The following HMGA2 variants were observed in gnomAD, a reference collection of about 807,000 sequenced individuals.
The protein encoded by HMGA2 is high mobility group AT-hook 2.
In HMGA2, 8 loss-of-function variants were observed where a neutral mutation model predicts 19.1. The ratio of observed to expected loss-of-function variants is 0.42; its 90% confidence interval spans 0.25 to 0.76. The LOEUF is 0.76. HMGA2 is among the 30% of genes least tolerant of loss of function. The pLI, the probability that HMGA2 is intolerant of heterozygous loss-of-function variation, is 0.28. For missense variants in HMGA2, 109 were observed against 136.3 expected (o/e 0.80, Z 1.00); for synonymous variants, 60 against 48.8 (o/e 1.23, Z -0.96).
At chr12:65,949,996 A>G (rs1258512351) in intron 3 of HMGA2, among the ~76,000 whole-genome samples, 3 of 152,198 alleles carry the variant, frequency 2.0e-5, no homozygotes, top group African/African-American at 4.8e-5. Context: ...TGAAACAGCA[A>G]TGATGTTTAA....
At chr12:65,871,948 C>T (rs1246755853) in intron 3 of HMGA2, among the ~76,000 whole-genome samples, 1 of 152,232 alleles carries the variant, frequency 6.6e-6, no homozygotes, top group East Asian at 1.9e-4. Flanking sequence ...TTGTGCTCCA[C>T]TGCATCATCA....
At chr12:65,874,232 T>C (rs1018748742) in intron 3 of HMGA2, 2 of 150,718 alleles carry the variant, frequency 1.3e-5, no homozygotes, top group South Asian at 4.2e-4. Context: ...AAACTTAAAA[T>C]GTAAATTAAT....
At chr12:65,947,722 C>T (rs747917506) in intron 3 of HMGA2, among the ~76,000 whole-genome samples, 7 of 152,198 alleles carry the variant, frequency 4.6e-5, no homozygotes, top group Non-Finnish European at 7.3e-5. Context: ...ACTTGAAAGG[C>T]TTTGCTATCT....
At chr12:65,893,130 C>T (rs1469983757) in intron 3 of HMGA2, among the ~76,000 whole-genome samples, 1 of 152,188 alleles carries the variant, frequency 6.6e-6, no homozygotes, top group Non-Finnish European at 1.5e-5. Context: ...CCCCCATTTC[C>T]TGTGGAAGGG....
chr12:65,866,474 CAG>C (rs1383911755), intron 3 of HMGA2, among the ~76,000 whole-genome samples: 1 of 152,088 alleles, frequency 6.6e-6, no homozygotes, highest in Non-Finnish European at 1.5e-5. Flanking sequence ...ACATTAACAG[CAG>C]ATAGGACAAG....
chr12:65,834,810 A>G (rs556215124), intron 2 of HMGA2, among the ~76,000 whole-genome samples: 1 of 152,344 alleles, frequency 6.6e-6, no homozygotes, highest in African/African-American at 2.4e-5. Context: ...CTTCTTAGAG[A>G]AAGAAATAAT....
At chr12:65,877,979 GTCA>G (rs1873139969) in intron 3 of HMGA2, among the ~76,000 whole-genome samples, 1 of 152,132 alleles carries the variant, frequency 6.6e-6, no homozygotes, top group Non-Finnish European at 1.5e-5. Context: ...AATATTCTCT[GTCA>G]TCATGCTACT....
intron 3 of HMGA2, chr12:65,915,664 A>G (rs1226091047): frequency 6.0e-6 from 3 of 499,282 alleles, no homozygotes; most frequent in Non-Finnish European, 8.0e-6. Context: ...ATGGGCTGCC[A>G]TGACTTCTGC....
chr12:65,880,558 A>G (rs1192994696), intron 3 of HMGA2, among the ~76,000 whole-genome samples: 1 of 152,248 alleles, frequency 6.6e-6, no homozygotes, highest in Non-Finnish European at 1.5e-5. Context: ...CTTAGGGAAG[A>G]TAAATGACTT....
intron 3 of HMGA2, among the ~76,000 whole-genome samples, chr12:65,912,737 G>A (rs559666581): frequency 6.6e-5 from 10 of 152,086 alleles, no homozygotes; most frequent in Non-Finnish European, 1.5e-4. Flanking sequence ...TGGATTTAAC[G>A]TCATGCCATA....
At chr12:65,907,990 A>T (rs1874677251) in intron 3 of HMGA2, among the ~76,000 whole-genome samples, 1 of 152,128 alleles carries the variant, frequency 6.6e-6, no homozygotes, top group South Asian at 2.1e-4. Context: ...AATTACTCAA[A>T]TCTTTGTCCT....
At chr12:65,840,472 T>A (rs1870949182) in intron 3 of HMGA2, among the ~76,000 whole-genome samples, 1 of 152,180 alleles carries the variant, frequency 6.6e-6, no homozygotes, top group African/African-American at 2.4e-5. Flanking sequence ...GTGCACTGGA[T>A]CACCCATACA....
At chr12:65,963,181 TGGC>T in intron 4 of HMGA2, 61 bp from the exon 5 acceptor site, 1 of 1,495,738 alleles carries the variant, frequency 6.7e-7, no homozygotes, top group Admixed American at 1.7e-5. Flanking sequence ...TCTGCACTGT[TGGC>T]AAGAGCAGCC....
intron 3 of HMGA2, among the ~76,000 whole-genome samples, chr12:65,863,116 G>A (rs577772518): frequency 6.6e-6 from 1 of 152,344 alleles, no homozygotes; most frequent in East Asian, 1.9e-4. Flanking sequence ...GACACTATCA[G>A]CACTTAAGTA....
intron 3 of HMGA2, among the ~76,000 whole-genome samples, chr12:65,907,163 GAGGCAGGCGGATCACGAGGTC>G (rs1435338084): frequency 6.6e-6 from 1 of 152,052 alleles, no homozygotes; most frequent in Non-Finnish European, 1.5e-5. Flanking sequence ...TTGGGAGGCC[GAGGCAGGCGGATCACGAGGTC>G]AGGAGTTCGA....
intron 3 of HMGA2, chr12:65,858,691 A>G (rs1871875919): frequency 6.6e-6 from 1 of 152,208 alleles, no homozygotes; most frequent in Admixed American, 6.5e-5. Flanking sequence ...AAAAAAATGT[A>G]TATTAAATAT....
intron 3 of HMGA2, among the ~76,000 whole-genome samples, chr12:65,889,285 A>T (rs1166079871): frequency 6.6e-6 from 1 of 152,198 alleles, no homozygotes; most frequent in Non-Finnish European, 1.5e-5. Flanking sequence ...ACTTTTTCCT[A>T]CAAATCAAAC....
chr12:65,946,457 T>C (rs1876268022), intron 3 of HMGA2, among the ~76,000 whole-genome samples: 1 of 152,210 alleles, frequency 6.6e-6, no homozygotes, highest in Non-Finnish European at 1.5e-5. Context: ...TGAGACCCTT[T>C]ACATAATAAT....
chr12:65,865,802 T>C, intron 3 of HMGA2, among the ~76,000 whole-genome samples: 1 of 139,088 alleles, frequency 7.2e-6, no homozygotes, highest in African/African-American at 2.7e-5. Context: ...GCCCGGCTAA[T>C]TTTTTTTTTT....
Sources: allele counts gnomAD v4.1 joint callset (sites outside exome capture counted in the v4.1 genomes callset), GRCh38; gene constraint gnomAD v4.1.1; transcripts MANE v1.5; gene names NCBI Gene and HGNC (gene_info 2026-07-23, HGNC 2026-07-21).